Variants in ADGRL2 observed in about 807,000 individuals in gnomAD.
ADGRL2 encodes the protein calcium-independent alpha-latrotoxin receptor 2.
ADGRL2 carries 44 observed loss-of-function variants against 157.4 expected under a neutral mutation model. That is an observed-to-expected ratio of 0.28 (90% CI 0.22 to 0.36). The LOEUF is 0.36. Among genes scored for constraint, ADGRL2 ranks in the 10% least tolerant of loss-of-function variants. ADGRL2 has a pLI of 1.00. For missense variants in ADGRL2, 1,510 were observed against 1,768.9 expected (o/e 0.85, Z 2.63); for synonymous variants, 585 against 624.7 (o/e 0.94, Z 0.95).
chr1:81,510,993 G>A (rs2079065328), intron 2 of ADGRL2, among the ~76,000 whole-genome samples: 1 of 152,086 alleles, frequency 6.6e-6, no homozygotes, highest in Admixed American at 6.6e-5. Flanking sequence ...AAGCTTCAAA[G>A]TTTAACTCTA....
chr1:81,655,896 C>T (rs945246896), intron 3 of ADGRL2, among the ~76,000 whole-genome samples: 3 of 152,084 alleles, frequency 2.0e-5, no homozygotes, highest in Non-Finnish European at 4.4e-5. Context: ...GAAAGTCCCC[C>T]GGAGATCATC....
At chr1:81,579,488 T>A (rs1371932243) in intron 2 of ADGRL2, 1 of 152,178 alleles carries the variant, frequency 6.6e-6, no homozygotes, top group Non-Finnish European at 1.5e-5. Flanking sequence ...GATCTTCAAA[T>A]GGATTTTTTA....
intron 2 of ADGRL2, among the ~76,000 whole-genome samples, chr1:81,468,589 G>A (rs188410151): frequency 6.6e-5 from 10 of 152,176 alleles, no homozygotes; most frequent in East Asian, 3.9e-4. Context: ...AAGTCACCTC[G>A]GAAATTTGAA....
At chr1:81,515,137 GC>G (rs2079151034) in intron 2 of ADGRL2, 1 of 152,056 alleles carries the variant, frequency 6.6e-6, no homozygotes, top group African/African-American at 2.4e-5. Flanking sequence ...CAGTGTTCAG[GC>G]AATGATGTAT....
At chr1:81,350,431 AT>A (rs1404658604) in intron 1 of ADGRL2, among the ~76,000 whole-genome samples, 3 of 152,326 alleles carry the variant, frequency 2.0e-5, no homozygotes. Context: ...ATCTTCAAGG[AT>A]TTTAGTAAAA....
intron 2 of ADGRL2, among the ~76,000 whole-genome samples, chr1:81,469,565 A>T (rs2078128164): frequency 6.6e-6 from 1 of 152,202 alleles, no homozygotes; most frequent in African/African-American, 2.4e-5. Context: ...TTGGTATCTT[A>T]TCCCCCAGTT....
intron 2 of ADGRL2, among the ~76,000 whole-genome samples, chr1:81,535,250 A>C (rs534261091): frequency 6.6e-6 from 1 of 152,342 alleles, no homozygotes; most frequent in African/African-American, 2.4e-5. Flanking sequence ...GCAACAAAGG[A>C]AGATGTGAGA....
chr1:81,737,385 G>A (rs1027726225), intron 1 of ADGRL2, among the ~76,000 whole-genome samples: 1 of 152,148 alleles, frequency 6.6e-6, no homozygotes, highest in South Asian at 2.1e-4. Context: ...GAGTTAAGGG[G>A]GAAGTGCCAC....
intron 20 of ADGRL2, among the ~76,000 whole-genome samples, 158 bp downstream of exon 20, chr1:81,984,869 T>G (rs879574162): frequency 2.0e-5 from 3 of 152,118 alleles, no homozygotes; most frequent in Non-Finnish European, 4.4e-5. Context: ...TTCTTAAACA[T>G]TTCTTCAGTG....
At chr1:81,614,762 C>A (rs930895432) in intron 3 of ADGRL2, among the ~76,000 whole-genome samples, 1 of 151,964 alleles carries the variant, frequency 6.6e-6, no homozygotes, top group South Asian at 2.1e-4. Flanking sequence ...CAGTAGCTCA[C>A]GCTTGTAATC....
chr1:81,410,753 C>T (rs1346748528), intron 1 of ADGRL2, among the ~76,000 whole-genome samples: 2 of 152,120 alleles, frequency 1.3e-5, no homozygotes, highest in Non-Finnish European at 2.9e-5. Context: ...CTGATGGGTT[C>T]GGTGCTCAGC....
chr1:81,359,737 C>T (rs997577416), intron 1 of ADGRL2, among the ~76,000 whole-genome samples: 3 of 151,978 alleles, frequency 2.0e-5, no homozygotes, highest in Non-Finnish European at 4.4e-5. Context: ...CAGAACTTTA[C>T]ATTTACCTAC....
At chr1:81,683,829 T>C (rs76404797) in intron 3 of ADGRL2, among the ~76,000 whole-genome samples, 2 of 152,068 alleles carry the variant, frequency 1.3e-5, no homozygotes, top group East Asian at 3.9e-4. Context: ...CTTTTTTTTT[T>C]CTTTTGAGAT....
At chr1:81,493,755 G>A (rs773263602) in intron 2 of ADGRL2, among the ~76,000 whole-genome samples, 3 of 152,042 alleles carry the variant, frequency 2.0e-5, no homozygotes, top group Non-Finnish European at 4.4e-5. Flanking sequence ...AAAAAAATTC[G>A]ATTTACAAGG....
At chr1:81,757,712 A>G (rs2085739070) in intron 1 of ADGRL2, among the ~76,000 whole-genome samples, 1 of 152,218 alleles carries the variant, frequency 6.6e-6, no homozygotes, top group Admixed American at 6.5e-5. Flanking sequence ...TTTAAAGTTA[A>G]TTTGGCTGAA....
intron 3 of ADGRL2, among the ~76,000 whole-genome samples, chr1:81,657,009 CAAAA>C (rs11383698): frequency 9.2e-6 from 1 of 109,268 alleles, no homozygotes; most frequent in African/African-American, 3.6e-5. Flanking sequence ...GACCCTGTCT[CAAAA>C]AAAAAAAAAA....
At chr1:81,558,705 AG>A (rs1466724136) in intron 2 of ADGRL2, among the ~76,000 whole-genome samples, 3 of 152,176 alleles carry the variant, frequency 2.0e-5, no homozygotes, top group Non-Finnish European at 4.4e-5. Flanking sequence ...TGTTTATAAT[AG>A]TACCTGGTAC....
At chr1:81,876,094 T>C in intron 2 of ADGRL2, among the ~76,000 whole-genome samples, 1 of 152,150 alleles carries the variant, frequency 6.6e-6, no homozygotes, top group Non-Finnish European at 1.5e-5. Context: ...AGAGTTACCA[T>C]ATTTGAGCTA....
At chr1:81,458,384 G>A (rs1214501923) in intron 2 of ADGRL2, among the ~76,000 whole-genome samples, 4 of 152,214 alleles carry the variant, frequency 2.6e-5, no homozygotes, top group Non-Finnish European at 5.9e-5. Context: ...CAACTGTTGT[G>A]GCTTTTGAAG....
Sources: gnomAD v4.1 joint callset for allele counts (sites outside exome capture counted in the v4.1 genomes callset) on GRCh38, gnomAD v4.1.1 for gene constraint, MANE v1.5 for transcripts, NCBI Gene and HGNC (gene_info 2026-07-23, HGNC 2026-07-21) for gene names.